Variants in MICU1 observed in about 807,000 individuals in gnomAD.
MICU1 encodes calcium uptake protein 1, mitochondrial.
In MICU1, 45 loss-of-function variants were observed where a neutral mutation model predicts 56.8. The observed-to-expected ratio is 0.79, with a 90% confidence interval of 0.62 to 1.02. The LOEUF is 1.02. Ranked by LOEUF, MICU1 falls within the 50% of genes least tolerant of loss-of-function variation. MICU1 has a pLI of 0.00. For synonymous variants in MICU1, 186 were observed against 195.1 expected, an observed-to-expected ratio of 0.95 and a Z score of 0.39; for missense variants, 504 against 587.1, an observed-to-expected ratio of 0.86 and a Z score of 1.46.
chr10:72,529,272 A>G (rs531714975), intron 5 of MICU1, among the ~76,000 whole-genome samples: 2 of 152,330 alleles, frequency 1.3e-5, no homozygotes, highest in South Asian at 2.1e-4. Context: ...CTCAATTCAG[A>G]GGCAGTATTT....
intron 1 of MICU1, among the ~76,000 whole-genome samples, chr10:72,590,363 T>C (rs1289359610): frequency 6.6e-6 from 1 of 152,156 alleles, no homozygotes; most frequent in Non-Finnish European, 1.5e-5. Flanking sequence ...ATATAATAAT[T>C]ATCAACATTT....
At chr10:72,610,858 T>C (rs1414016326) in intron 1 of MICU1, among the ~76,000 whole-genome samples, 1 of 152,176 alleles carries the variant, frequency 6.6e-6, no homozygotes, top group Non-Finnish European at 1.5e-5. Context: ...CACTATGTAG[T>C]ACAACATGAT....
intron 9 of MICU1, among the ~76,000 whole-genome samples, chr10:72,412,907 A>G (rs1365543655): frequency 6.7e-6 from 1 of 149,948 alleles, no homozygotes; most frequent in East Asian, 2.0e-4. Context: ...AACACAGGAG[A>G]GGCTGAGCAC....
At chr10:72,421,597 C>T (rs1436405893) in intron 9 of MICU1, among the ~76,000 whole-genome samples, 1 of 152,080 alleles carries the variant, frequency 6.6e-6, no homozygotes, top group Non-Finnish European at 1.5e-5. Flanking sequence ...TTCCTTGTAC[C>T]AGGGGCAGCT....
intron 1 of MICU1, among the ~76,000 whole-genome samples, chr10:72,586,013 C>CTTTTTTTTTTTTTTTTTTTTTTTT (rs71021511): frequency 1.3e-4 from 10 of 74,682 alleles, no homozygotes; most frequent in South Asian, 5.5e-4. Context: ...TTTTTTTTTT[C>CTTTTTTTTTTTTTTTTTTTTTTTT]TTTTTTTTTT....
At chr10:72,605,004 G>A (rs1841647797) in intron 1 of MICU1, among the ~76,000 whole-genome samples, 1 of 152,096 alleles carries the variant, frequency 6.6e-6, no homozygotes, top group African/African-American at 2.4e-5. Context: ...AAAATGCTGA[G>A]TACAATGCCT....
intron 1 of MICU1, among the ~76,000 whole-genome samples, chr10:72,597,208 T>C (rs1410790191): frequency 1.3e-5 from 2 of 152,332 alleles, no homozygotes; most frequent in South Asian, 2.1e-4. Flanking sequence ...ATATTTCATA[T>C]TCCTTGAGGA....
At chr10:72,529,859 T>C (rs560690394) in intron 5 of MICU1, among the ~76,000 whole-genome samples, 14 of 151,580 alleles carry the variant, frequency 9.2e-5, no homozygotes, top group South Asian at 2.1e-4. Context: ...AGAAAAAATA[T>C]AGTTTTCATT....
chr10:72,538,552 C>T (rs971405130), intron 4 of MICU1, among the ~76,000 whole-genome samples: 1 of 151,908 alleles, frequency 6.6e-6, no homozygotes, highest in East Asian at 1.9e-4. Context: ...TTTTTGTAAG[C>T]CTCACGGTAG....
intron 10 of MICU1, among the ~76,000 whole-genome samples, chr10:72,403,467 T>G (rs970211331): frequency 4.0e-5 from 6 of 151,552 alleles, no homozygotes; most frequent in Non-Finnish European, 8.8e-5. Flanking sequence ...TCCTCCTGCT[T>G]TGACCTACCA....
At position 72,456,845 on chromosome 10, in the gene MICU1, CA is replaced by C; in HGVS notation, c.933+18254del. Among the ~76,000 whole-genome samples the C allele has an allele frequency of 1.7e-5, 2 of 115,768 alleles. 1 individual carries two copies. Among genetic ancestry groups the C allele is most frequent in the Non-Finnish European group, 3.6e-5 (2 of 55,044 alleles). 75.9% of individuals were successfully genotyped at this position (115,768 alleles called of 152,430 possible). On this transcript the variant is annotated intron_variant, in intron 8 of 11. Transcript: ENST00000361114. ...CTGGGATGCACCACCATGCCGGGCTCATTTTGTGTGTGTGTGTGTGTGTGTG... is the reference window on the plus strand; with the variant it reads ...CTGGGATGCACCACCATGCCGGGCTCTTTTGTGTGTGTGTGTGTGTGTGTG...
intron 10 of MICU1, among the ~76,000 whole-genome samples, chr10:72,384,362 T>C (rs1862820812): frequency 6.6e-6 from 1 of 152,152 alleles, no homozygotes; most frequent in South Asian, 2.1e-4. Context: ...AAAGAAGCAA[T>C]GCTTATAATA....
At position 72,565,639 on chromosome 10, in the gene MICU1, T is replaced by TA. The variant is rs11321481; in HGVS notation, c.161+993dup. The stretch of plus-strand genomic sequence containing the variant: ...ATGTACCCTAAAACTTAAAGTATAA[T>TA]AAAAAAAAAAAAATTAGCCATGGTG... On this transcript the variant is annotated intron_variant, in intron 2 of 11. Coordinates refer to ENST00000361114, the MANE Select transcript of MICU1 (RefSeq NM_001195518.2). 1.9e-3 allele frequency among the ~76,000 whole-genome samples: 283 copies of TA among 148,556 alleles called. 4 individuals carry two copies. In the East Asian group the frequency reaches 0.035, roughly 19 times the overall value.
At chr10:72,455,292 G>A (rs575809401) in intron 8 of MICU1, among the ~76,000 whole-genome samples, 2 of 142,222 alleles carry the variant, frequency 1.4e-5, no homozygotes, top group East Asian at 4.2e-4. Flanking sequence ...GGAGGTTGCA[G>A]TGAGCCGAGA....
intron 3 of MICU1, among the ~76,000 whole-genome samples, chr10:72,561,630 G>C (rs1042045259): frequency 6.6e-6 from 1 of 152,188 alleles, no homozygotes; most frequent in Non-Finnish European, 1.5e-5. Flanking sequence ...TAGCCAACAT[G>C]GTGAAACTCC....
chr10:72,605,753 G>A (rs929881754), intron 1 of MICU1, among the ~76,000 whole-genome samples: 1 of 152,184 alleles, frequency 6.6e-6, no homozygotes, highest in Non-Finnish European at 1.5e-5. Context: ...TAAATGACTT[G>A]AGCATCTGTG....
intron 8 of MICU1, among the ~76,000 whole-genome samples, chr10:72,460,261 T>C (rs775919712): frequency 6.6e-6 from 1 of 152,240 alleles, no homozygotes; most frequent in Non-Finnish European, 1.5e-5. Flanking sequence ...TTGGTTGCTC[T>C]ATTTCCCTAG....
intron 1 of MICU1, among the ~76,000 whole-genome samples, chr10:72,596,233 C>T (rs1166581977): frequency 6.6e-6 from 1 of 152,168 alleles, no homozygotes; most frequent in Non-Finnish European, 1.5e-5. Flanking sequence ...CCTCAGCCTC[C>T]CAAAGTGCTG....
chr10:72,564,369 C>T (rs1470632227), intron 2 of MICU1, among the ~76,000 whole-genome samples: 1 of 151,658 alleles, frequency 6.6e-6, no homozygotes, highest in Non-Finnish European at 1.5e-5. Context: ...GGCAAAAAAC[C>T]ATCTCTACTA....
Sources: allele counts gnomAD v4.1 joint callset (sites outside exome capture counted in the v4.1 genomes callset), GRCh38; gene constraint gnomAD v4.1.1; transcripts MANE v1.5; gene names NCBI Gene and HGNC (gene_info 2026-07-23, HGNC 2026-07-21).